Variants in PRSS48 observed in about 807,000 individuals in gnomAD.
PRSS48 encodes the protein epidermis-specific serine protease-like protein.
In PRSS48, 21 loss-of-function variants were observed where a neutral mutation model predicts 25.6. That is an observed-to-expected ratio of 0.82 (90% confidence interval 0.58 to 1.18). PRSS48 has a LOEUF of 1.18. Among genes scored for constraint, PRSS48 ranks in the 50% most tolerant of loss-of-function variants. The pLI is 0.00. For missense variants in PRSS48, 373 were observed against 399.3 expected, an observed-to-expected ratio of 0.93 and a Z score of 0.56; for synonymous variants, 150 against 149.3, an observed-to-expected ratio of 1.00 and a Z score of -0.04.
chr4:151,282,472 T>C (rs1438138112), intron 3 of PRSS48, 59 bp downstream of exon 3: 2 of 1,570,558 alleles, frequency 1.3e-6, no homozygotes, highest in African/African-American at 2.7e-5. Context: ...CTCCAGAACA[T>C]TCATATTCTA....
intron 4 of PRSS48, among the ~76,000 whole-genome samples, chr4:151,285,744 G>A (rs3990734): frequency 0.36 from 54,786 of 151,784 alleles, 10,888 homozygotes; most frequent in Middle Eastern, 0.45. Flanking sequence ...GCACAAGCCT[G>A]TAGTCCCAGC....
chr4:151,288,738 A>C (rs2150016566), intron 4 of PRSS48, among the ~76,000 whole-genome samples: 1 of 151,546 alleles, frequency 6.6e-6, no homozygotes, highest in Non-Finnish European at 1.5e-5. Flanking sequence ...TAATCTAAGG[A>C]AACATTTAAG....
At chr4:151,283,089 AAT>A in intron 3 of PRSS48, 26 bp from the exon 4 acceptor site, 1 of 1,609,612 alleles carries the variant, frequency 6.2e-7, no homozygotes, top group Non-Finnish European at 8.5e-7. Context: ...AGGTTGCTTT[AAT>A]CTTTTGTTCC....
At chr4:151,287,457 A>C (rs1774920027) in intron 4 of PRSS48, among the ~76,000 whole-genome samples, 1 of 152,216 alleles carries the variant, frequency 6.6e-6, no homozygotes, top group Non-Finnish European at 1.5e-5. Flanking sequence ...ATCTTTTATG[A>C]ACAGAGGTGT....
exon 4 of PRSS48, chr4:151,283,224 C>T: frequency 1.2e-6 from 2 of 1,613,788 alleles, no homozygotes; most frequent in Non-Finnish European, 1.7e-6. Context: ...AGCACTGGAG[C>T]CAGTCATCAA....
intron 4 of PRSS48, among the ~76,000 whole-genome samples, chr4:151,289,461 T>C (rs1232468836): frequency 6.6e-6 from 1 of 152,114 alleles, no homozygotes; most frequent in Non-Finnish European, 1.5e-5. Flanking sequence ...CGGAAGAAAA[T>C]ATTTGCAAAT....
At position 151,277,204 on chromosome 4, in the gene PRSS48, T is replaced by C. The variant is rs1192661017; in HGVS notation, c.32T>C (p.Leu11Pro). ...CCTGCTGGCTGTGCCTTCACGCTGC[T>C]CCTTCTGCTGGGGATCTCAGGTGAG... Residue 11 changes from leucine (L) to proline (P), a missense_variant, in exon 1 of 5, where the codon CTC (leucine) becomes CCC (proline). Physicochemically the swap from Leu to Pro is moderately conservative, Grantham distance 98. Coordinates refer to ENST00000455694, the Ensembl canonical transcript of PRSS48. The C allele has an allele frequency of 2.7e-6, 4 of 1,501,908 alleles. No individual in the cohort carries two copies. Among genetic ancestry groups the C allele is most frequent in the Middle Eastern group, 1.8e-4 (1 of 5,558 alleles). 93.0% of individuals were successfully genotyped at this position (1,501,908 alleles called of 1,614,324 possible). A position where few individuals can be genotyped will look rare whatever the true frequency, so the allele number is the denominator to read the frequency against.
chr4:151,286,358 A>G (rs1307081810), intron 4 of PRSS48, among the ~76,000 whole-genome samples: 1 of 151,228 alleles, frequency 6.6e-6, no homozygotes, highest in Non-Finnish European at 1.5e-5. Flanking sequence ...AGCTAAACTG[A>G]GCAAGAAAAA....
At chr4:151,279,723 AATG>A (rs1200637029) in intron 1 of PRSS48, 70 bp from the exon 2 acceptor site, 5 of 1,426,484 alleles carry the variant, frequency 3.5e-6, no homozygotes, top group Non-Finnish European at 4.9e-6. Flanking sequence ...GGAGTTTGGG[AATG>A]ATGATAAGGT....
chr4:151,284,022 C>T (rs1169508216), intron 4 of PRSS48, among the ~76,000 whole-genome samples: 2 of 152,106 alleles, frequency 1.3e-5, no homozygotes, highest in East Asian at 3.9e-4. Context: ...TGATTGTCAG[C>T]AGTTTGAATA....
chr4:151,282,773 CACAAG>C (rs60387296), intron 3 of PRSS48, among the ~76,000 whole-genome samples: 5,594 of 151,982 alleles, frequency 0.037, 302 homozygotes, highest in African/African-American at 0.13. Context: ...TTGGAGTAGA[CACAAG>C]ACAAGAACTG....
rs756336409 is a variant in PRSS48, at chr4:151,291,439, C to T, written c.973C>T (p.Pro325Ser). ...GGAAGAGAATGCATGGAGATTTAGT[C>T]CCAGGGGCAGATAACTCACAGGAGA... Residue 325 changes from proline (P) to serine (S), a missense_variant, in exon 5 of 5, where the codon CCC (proline) becomes TCC (serine). Transcript: ENST00000455694. 7 of 1,608,572 alleles carry T rather than the reference C, an allele frequency of 4.4e-6. No homozygotes were observed. In the East Asian group the frequency reaches 1.3e-4, roughly 31 times the overall value.
At chr4:151,279,226 C>G in intron 1 of PRSS48, 1 of 212,144 alleles carries the variant, frequency 4.7e-6, no homozygotes, top group Admixed American at 6.3e-5. Flanking sequence ...ATGTGGAAAT[C>G]TTTTTCTTTT....
intron 4 of PRSS48, among the ~76,000 whole-genome samples, chr4:151,287,578 C>G (rs1452943932): frequency 6.6e-6 from 1 of 152,128 alleles, no homozygotes; most frequent in African/African-American, 2.4e-5. Flanking sequence ...AAAATCCAAA[C>G]TGGGGGTAAT....
chr4:151,291,472 C>T, downstream of PRSS48: 2 of 1,488,254 alleles, frequency 1.3e-6, no homozygotes, highest in East Asian at 2.3e-5. Context: ...AGAGCCACTG[C>T]TAACCCTGGG....
At chr4:151,291,260 C>T in exon 5 of PRSS48, 1 of 1,613,994 alleles carries the variant, frequency 6.2e-7, no homozygotes, top group Non-Finnish European at 8.5e-7. Flanking sequence ...ATTAATGCCA[C>T]TATTTCAAGA....
chr4:151,285,193 A>G (rs1240882426), intron 4 of PRSS48, among the ~76,000 whole-genome samples: 1 of 152,206 alleles, frequency 6.6e-6, no homozygotes, highest in Non-Finnish European at 1.5e-5. Flanking sequence ...GTAGCCTTTT[A>G]TATGCTGTCC....
At chr4:151,283,489 C>G (rs1049021490) in intron 4 of PRSS48, among the ~76,000 whole-genome samples, 1 of 149,070 alleles carries the variant, frequency 6.7e-6, no homozygotes, top group South Asian at 2.2e-4. Flanking sequence ...TAGACCAATA[C>G]TAACGACTGG....
chr4:151,287,501 T>C (rs1244751616), intron 4 of PRSS48, among the ~76,000 whole-genome samples: 1 of 151,922 alleles, frequency 6.6e-6, no homozygotes, highest in African/African-American at 2.4e-5. Flanking sequence ...CAACAACATA[T>C]AAAAAGGACT....
Sources: allele counts gnomAD v4.1 joint callset (sites outside exome capture counted in the v4.1 genomes callset), GRCh38; gene constraint gnomAD v4.1.1; transcripts MANE v1.5; gene names NCBI Gene and HGNC (gene_info 2026-07-23, HGNC 2026-07-21).